Variants in FGGY observed in about 807,000 individuals in gnomAD.
The protein encoded by FGGY is FGGY carbohydrate kinase domain-containing protein.
A neutral mutation model predicts 71.3 loss-of-function variants in FGGY; 72 were observed. The observed-to-expected ratio is 1.01, with a 90% CI of 0.84 to 1.23. FGGY has a LOEUF of 1.23. Among genes scored for constraint, FGGY ranks in the 50% most tolerant of loss-of-function variants. FGGY has a pLI of 0.00. For missense variants in FGGY, 668 were observed against 682.3 expected (o/e 0.98, Z 0.23); for synonymous variants, 251 against 250.3 (o/e 1.00, Z -0.02).
intron 7 of FGGY, among the ~76,000 whole-genome samples, chr1:59,541,224 C>A (rs2095435167): frequency 6.6e-6 from 1 of 152,134 alleles, no homozygotes; most frequent in Non-Finnish European, 1.5e-5. Context: ...GGATTCTGAG[C>A]CTCTTTCATC....
At chr1:59,430,219 G>T (rs1413593571) in intron 5 of FGGY, among the ~76,000 whole-genome samples, 1 of 152,152 alleles carries the variant, frequency 6.6e-6, no homozygotes, top group African/African-American at 2.4e-5. Context: ...GGCTTTTTCT[G>T]CCCTGTGATA....
chr1:59,442,474 C>T, intron 5 of FGGY, among the ~76,000 whole-genome samples: 1 of 151,984 alleles, frequency 6.6e-6, no homozygotes, highest in East Asian at 1.9e-4. Flanking sequence ...TTTCCTTTCC[C>T]TCTTTTCCTG....
chr1:59,507,319 G>T (rs1279387485), intron 6 of FGGY, among the ~76,000 whole-genome samples: 1 of 152,180 alleles, frequency 6.6e-6, no homozygotes, highest in African/African-American at 2.4e-5. Context: ...TACAAATCCA[G>T]TTAAGTTACA....
chr1:59,516,083 TTATG>T lies in FGGY; in HGVS notation c.799+3645_799+3648del, dbSNP rs1197262047. ...ATATGTTGACTATGTTTTATCCTTA[TTATG>T]CCTTCTTATGCCTTCTTATGCCTCT... is the stretch of plus-strand genomic sequence containing the variant. On this transcript the variant is annotated intron_variant, in intron 7 of 15. Coordinates refer to ENST00000303721, the MANE Select transcript of FGGY (RefSeq NM_018291.5). Among the ~76,000 whole-genome samples, 8 of 89,276 alleles carry T rather than the reference TTATG, an allele frequency of 9.0e-5. No individual in the cohort carries two copies. The African/African-American group carries it at 9.2e-4, about 10-fold the overall frequency. 58.6% of individuals were successfully genotyped at this position (89,276 alleles called of 152,430 possible). A position where few individuals can be genotyped will look rare whatever the true frequency, so the allele number is the denominator to read the frequency against.
intron 14 of FGGY, among the ~76,000 whole-genome samples, chr1:59,679,296 G>T (rs1227624466): frequency 6.6e-6 from 1 of 151,522 alleles, no homozygotes; most frequent in African/African-American, 2.4e-5. Context: ...TATTTTGTAA[G>T]AGTCAACTTT....
chr1:59,757,057 C>A (rs1392732862), intron 14 of FGGY, among the ~76,000 whole-genome samples: 2 of 151,954 alleles, frequency 1.3e-5, no homozygotes. Flanking sequence ...ACATGTGATC[C>A]CAGAATGACT....
chr1:59,668,811 C>T (rs1319289416), intron 13 of FGGY, among the ~76,000 whole-genome samples: 1 of 151,388 alleles, frequency 6.6e-6, no homozygotes, highest in Non-Finnish European at 1.5e-5. Context: ...GGAGAAACCC[C>T]ATCTCTACTA....
intron 6 of FGGY, among the ~76,000 whole-genome samples, chr1:59,492,469 TTTAA>T (rs1199585532): frequency 1.3e-5 from 2 of 152,158 alleles, no homozygotes; most frequent in African/African-American, 4.8e-5. Flanking sequence ...TTTCTATTAG[TTTAA>T]TTAACATCCC....
At chr1:59,487,521 A>T (rs941604740) in intron 6 of FGGY, among the ~76,000 whole-genome samples, 1 of 152,162 alleles carries the variant, frequency 6.6e-6, no homozygotes. Flanking sequence ...TGTCCTAGAC[A>T]TTGTTGTGGC....
intron 6 of FGGY, among the ~76,000 whole-genome samples, chr1:59,457,608 C>A (rs1170982988): frequency 1.3e-5 from 2 of 151,262 alleles, no homozygotes; most frequent in Non-Finnish European, 2.9e-5. Flanking sequence ...CAGAGCAGAA[C>A]TCTGTTTTGA....
intron 6 of FGGY, among the ~76,000 whole-genome samples, chr1:59,466,719 AG>A (rs567885605): frequency 4.1e-4 from 62 of 152,366 alleles, no homozygotes; most frequent in Non-Finnish European, 7.5e-4. Context: ...ACTTCTCAAA[AG>A]AAGACATTTA....
At chr1:59,469,000 A>C (rs1455803241) in intron 6 of FGGY, among the ~76,000 whole-genome samples, 1 of 152,168 alleles carries the variant, frequency 6.6e-6, no homozygotes, top group Non-Finnish European at 1.5e-5. Context: ...GTCACACTGA[A>C]TCAAAGTTCA....
intron 5 of FGGY, among the ~76,000 whole-genome samples, chr1:59,391,551 G>T (rs980634580): frequency 2.6e-5 from 4 of 152,180 alleles, no homozygotes; most frequent in African/African-American, 9.7e-5. Flanking sequence ...AGCAAATCTG[G>T]ATAGAAAAGG....
At chr1:59,381,228 T>A (rs2059394394) in intron 5 of FGGY, among the ~76,000 whole-genome samples, 1 of 152,228 alleles carries the variant, frequency 6.6e-6, no homozygotes, top group South Asian at 2.1e-4. Context: ...GGTAACGTGA[T>A]GCCTCCAGCT....
intron 14 of FGGY, among the ~76,000 whole-genome samples, chr1:59,751,087 T>A (rs1480853017): frequency 1.3e-5 from 2 of 152,164 alleles, no homozygotes; most frequent in African/African-American, 4.8e-5. Context: ...TGAGTCCGAA[T>A]GTAGGGTTTG....
chr1:59,616,164 C>T (rs1056758183), intron 9 of FGGY, among the ~76,000 whole-genome samples: 2 of 152,190 alleles, frequency 1.3e-5, no homozygotes, highest in African/African-American at 4.8e-5. Context: ...ATAAATCATG[C>T]TGCTATTAGA....
chr1:59,552,238 T>C (rs528929698), intron 7 of FGGY, among the ~76,000 whole-genome samples: 2 of 152,278 alleles, frequency 1.3e-5, no homozygotes, highest in African/African-American at 4.8e-5. Context: ...AGATAGGCTC[T>C]TGCTTCCCCT....
chr1:59,527,445 T>C (rs1166648589), intron 7 of FGGY, among the ~76,000 whole-genome samples: 1 of 152,200 alleles, frequency 6.6e-6, no homozygotes, highest in African/African-American at 2.4e-5. Flanking sequence ...GCAGTGCTGA[T>C]TTCACTGTCT....
intron 9 of FGGY, among the ~76,000 whole-genome samples, chr1:59,615,110 A>C (rs2096736801): frequency 1.3e-5 from 2 of 152,192 alleles, no homozygotes; most frequent in South Asian, 4.1e-4. Flanking sequence ...ATCCCCATCA[A>C]GCTACTGATG....
Sources: allele counts gnomAD v4.1 joint callset (sites outside exome capture counted in the v4.1 genomes callset), GRCh38; gene constraint gnomAD v4.1.1; transcripts MANE v1.5; gene names NCBI Gene and HGNC (gene_info 2026-07-23, HGNC 2026-07-21).